The following CIAPIN1 variants were observed in gnomAD, a reference collection of about 807,000 sequenced individuals.
CIAPIN1 encodes cytokine induced apoptosis inhibitor 1.
Under a neutral mutation model 34.3 loss-of-function variants are expected in CIAPIN1, and 18 were observed. The ratio of observed to expected loss-of-function variants is 0.52; its 90% CI spans 0.36 to 0.78. The LOEUF (loss-of-function observed/expected upper bound fraction) is 0.78, where lower values mean the gene tolerates loss of function less well. CIAPIN1 is among the 30% of genes least tolerant of loss of function. The pLI is 0.00. For synonymous variants in CIAPIN1, 131 were observed against 140.4 expected, an observed-to-expected ratio of 0.93 and a Z score of 0.47; for missense variants, 310 against 372.5, an observed-to-expected ratio of 0.83 and a Z score of 1.38.
intron 4 of CIAPIN1, among the ~76,000 whole-genome samples, chr16:57,435,308 C>T (rs1903174898): frequency 6.6e-6 from 1 of 152,218 alleles, no homozygotes; most frequent in Non-Finnish European, 1.5e-5. Context: ...CAGTTGCAGG[C>T]CCGTGCTTCC....
At position 57,430,285 on chromosome 16, in the gene CIAPIN1, G is replaced by A. The variant is rs763005024; in HGVS notation, c.801C>T (p.Ser267=). Residue 267 remains serine, a synonymous_variant, in exon 8 of 9, where the codon AGC becomes AGT. Transcript: ENST00000394391. The part of the protein sequence containing the change: ...LEKEKSREQM[S]SQPKSACGNC... Reference sequence around the variant, plus strand: ...TTCCACAAGCTGACTTGGGTTGGGAGCTCATCTGTTCCCTTGACTTCTCTT... The same window carrying A: ...TTCCACAAGCTGACTTGGGTTGGGAACTCATCTGTTCCCTTGACTTCTCTT... 5 of 1,614,108 alleles carry A rather than the reference G, an allele frequency of 3.1e-6. No homozygotes were observed. The highest frequency in any genetic ancestry group is 3.3e-5 in the Admixed American group (2 of 60,012).
chr16:57,434,594 A>G (rs1903159302), intron 4 of CIAPIN1, among the ~76,000 whole-genome samples: 1 of 152,192 alleles, frequency 6.6e-6, no homozygotes, highest in African/African-American at 2.4e-5. Context: ...AAGGGGGAGG[A>G]AAATCCTTTC....
chr16:57,446,852 C>T (rs1386172952), intron 1 of CIAPIN1, among the ~76,000 whole-genome samples: 1 of 152,182 alleles, frequency 6.6e-6, no homozygotes, highest in Admixed American at 6.5e-5. Context: ...GCTGGGGGTT[C>T]GGACAAGTTG....
intron 7 of CIAPIN1, 84 bp from the exon 8 acceptor site, chr16:57,430,423 G>C: frequency 7.7e-7 from 1 of 1,306,030 alleles, no homozygotes; most frequent in Non-Finnish European, 1.1e-6. Flanking sequence ...TGTGCTTTAA[G>C]CCTTTTCTCT....
At chr16:57,431,051 C>T (rs1336875729) in intron 7 of CIAPIN1, 100 bp downstream of exon 7, 1 of 659,404 alleles carries the variant, frequency 1.5e-6, no homozygotes, top group Non-Finnish European at 2.6e-6. Flanking sequence ...TGTTGCCCAG[C>T]CTGGAAAATG....
Position 57,434,110 on chromosome 16 carries a change from GT to G in CIAPIN1, c.489del (p.Lys163AsnfsTer24). The stretch of plus-strand genomic sequence containing the variant: ...CTAGAAGAACCCACTTCAAAGTTTG[GT>G]TTTTTGCCTGTGATCTGAACAAACA... ...NLLFVQITGK[K>X]PNFEVGSSRQ... On this transcript the variant is annotated frameshift_variant, in exon 5 of 9. Coordinates refer to ENST00000394391, the MANE Select transcript of CIAPIN1 (RefSeq NM_020313.4). LOFTEE classifies it high-confidence loss of function. 6.2e-7 allele frequency: 1 copy of G among 1,614,126 alleles called. No homozygotes were observed. Among genetic ancestry groups the G allele is most frequent in the Non-Finnish European group, 8.5e-7 (1 of 1,180,000 alleles).
intron 8 of CIAPIN1, 75 bp downstream of exon 8, chr16:57,430,183 G>A: frequency 8.1e-7 from 1 of 1,238,360 alleles, no homozygotes; most frequent in African/African-American, 1.5e-5. Flanking sequence ...GGTGGAGCTT[G>A]TCTGTGTTTA....
intron 5 of CIAPIN1, among the ~76,000 whole-genome samples, chr16:57,432,892 A>T (rs1255645367): frequency 6.6e-6 from 1 of 152,246 alleles, no homozygotes; most frequent in African/African-American, 2.4e-5. Context: ...ACAGGTTTAG[A>T]CACTTAGGCT....
chr16:57,443,330 G>A (rs1415800678), intron 1 of CIAPIN1, among the ~76,000 whole-genome samples: 1 of 151,844 alleles, frequency 6.6e-6, no homozygotes, highest in Non-Finnish European at 1.5e-5. Context: ...TAGTAGACGG[G>A]GTTTCTCCAT....
chr16:57,446,775 G>T (rs1005551778), intron 1 of CIAPIN1, among the ~76,000 whole-genome samples: 98 of 152,230 alleles, frequency 6.4e-4, no homozygotes, highest in African/African-American at 2.3e-3. Context: ...CTGGACAAAG[G>T]CCTAGCTGTC....
At chr16:57,431,751 G>A (rs916639371) in intron 6 of CIAPIN1, among the ~76,000 whole-genome samples, 10 of 152,106 alleles carry the variant, frequency 6.6e-5, no homozygotes, top group Admixed American at 5.9e-4. Context: ...CCCTATGAGA[G>A]CATGAACCTC....
chr16:57,447,349 C>G lies in CIAPIN1; in HGVS notation c.-63G>C. On this transcript the variant is annotated 5_prime_UTR_variant, in exon 1 of 9. Transcript: ENST00000394391. ...GGCCCCCACCACTCTCACCTGCCGC[C>G]TGGGCTCGCTCCCGGCTTCTCTCCA... 2 of 637,556 alleles carry G rather than the reference C, an allele frequency of 3.1e-6. No individual in the cohort carries two copies. Among genetic ancestry groups the G allele is most frequent in the Non-Finnish European group, 4.5e-6 (2 of 444,862 alleles). The allele number at this position is 637,556 out of a possible 1,614,324, so 39.5% of individuals were successfully genotyped here.
chr16:57,446,100 C>T (rs1210199442), intron 1 of CIAPIN1, among the ~76,000 whole-genome samples: 1 of 152,150 alleles, frequency 6.6e-6, no homozygotes, highest in Non-Finnish European at 1.5e-5. Flanking sequence ...CACGCCGCAG[C>T]CTCCCAAAGT....
chr16:57,438,505 T>C (rs1903252621), intron 3 of CIAPIN1, among the ~76,000 whole-genome samples: 1 of 152,240 alleles, frequency 6.6e-6, no homozygotes, highest in Non-Finnish European at 1.5e-5. Flanking sequence ...TATAGCATGA[T>C]ATGAAGACCG....
In CIAPIN1 at chr16:57,434,167, C is replaced by T. The variant is rs777209696; in HGVS notation, c.433G>A (p.Glu145Lys). ...TTGTCACTTTCATGACCAAGGTGTT[C>T]TCGAACAGACTGTACTTCCTCAGGG... Reference protein sequence around the residue: ...LTPEEVQSVREHLGHESDNLL... With the variant: ...LTPEEVQSVRKHLGHESDNLL... Residue 145 changes from glutamate to lysine, a missense_variant, in exon 5 of 9, where the codon GAA (glutamate) becomes AAA (lysine). Glu to Lys is a moderately conservative substitution (Grantham distance 56, BLOSUM62 1). Transcript: ENST00000394391. 2.5e-6 allele frequency: 4 copies of T among 1,614,098 alleles called. No individual in the cohort carries two copies. The Admixed American group carries it at 5.0e-5, about 20-fold the overall frequency.
rs559799725 is a variant in CIAPIN1, at chr16:57,430,539, G to A, written c.747-200C>T. Reference sequence around the variant, plus strand: ...GGGAGGAGGATGAGGGAAGTACCGTGTGTGCTCTGTCTACAGAGGGCAGCC... The same window carrying A: ...GGGAGGAGGATGAGGGAAGTACCGTATGTGCTCTGTCTACAGAGGGCAGCC... On this transcript the variant is annotated intron_variant, in intron 7 of 8. Coordinates refer to ENST00000394391, the MANE Select transcript of CIAPIN1 (RefSeq NM_020313.4). The A allele has an allele frequency of 1.7e-5, 10 of 587,684 alleles. No individual in the cohort carries two copies. The South Asian group carries it at 2.1e-4, about 12-fold the overall frequency. 36.4% of individuals were successfully genotyped at this position (587,684 alleles called of 1,614,324 possible).
chr16:57,431,086 C>G (rs1418779161), intron 7 of CIAPIN1, 65 bp downstream of exon 7: 4 of 915,264 alleles, frequency 4.4e-6, no homozygotes, highest in Non-Finnish European at 7.2e-6. Flanking sequence ...AGTACAGCAC[C>G]GCGATGTCTT....
At chr16:57,435,456 G>A (rs1368492679) in intron 4 of CIAPIN1, among the ~76,000 whole-genome samples, 2 of 152,154 alleles carry the variant, frequency 1.3e-5, no homozygotes, top group East Asian at 3.8e-4. Context: ...AAAACCTTAA[G>A]CTAAAAGGAA....
At chr16:57,441,781 G>T (rs1374566146) in intron 1 of CIAPIN1, among the ~76,000 whole-genome samples, 1 of 152,130 alleles carries the variant, frequency 6.6e-6, no homozygotes, top group Non-Finnish European at 1.5e-5. Context: ...TGATACTTAG[G>T]TGAGTATATA....
Sources: gnomAD v4.1 joint callset for allele counts (sites outside exome capture counted in the v4.1 genomes callset) on GRCh38, gnomAD v4.1.1 for gene constraint, MANE v1.5 for transcripts, NCBI Gene and HGNC (gene_info 2026-07-23, HGNC 2026-07-21) for gene names.